SIN3B: variants seen among roughly 807,000 people sequenced by gnomAD.
SIN3B encodes SIN3 transcription regulator family member B.
A neutral mutation model predicts 120.2 loss-of-function variants in SIN3B; 19 were observed. The observed-to-expected ratio is 0.16, with a 90% CI of 0.11 to 0.23. SIN3B has a LOEUF of 0.23. Among genes scored for constraint, SIN3B ranks in the 10% least tolerant of loss-of-function variants. The pLI is 1.00. For synonymous variants in SIN3B, 654 were observed against 653.2 expected, an observed-to-expected ratio of 1.00 and a Z score of -0.02; for missense variants, 1,073 against 1,573.0, an observed-to-expected ratio of 0.68 and a Z score of 5.38.
At position 16,869,462 on chromosome 19, in the gene SIN3B, C is replaced by A; in HGVS notation, c.1809C>A (p.His603Gln). 1 of 1,603,854 alleles carries A rather than the reference C, an allele frequency of 6.2e-7. No individual in the cohort carries two copies. Among genetic ancestry groups the A allele is most frequent in the African/African-American group, 1.3e-5 (1 of 74,882 alleles). Residue 603 changes from histidine to glutamine, a missense_variant and splice_region_variant, in exon 13 of 19, where the codon CAC (histidine) becomes CAA (glutamine). Transcript: ENST00000248054. ...AATGGCCGCCCTTCCCCCCACAGCA[C>A]CAGGAGCAGCACTCGGAGGGCCGCA... ...LNEIESVYDEHQEQHSEGRSA... is the reference protein window; with the variant it reads ...LNEIESVYDEQQEQHSEGRSA...
chr19:16,868,400 G>T (rs772060792), intron 12 of SIN3B, among the ~76,000 whole-genome samples: 1 of 152,206 alleles, frequency 6.6e-6, no homozygotes, highest in Non-Finnish European at 1.5e-5. Context: ...TTCCCCAAGA[G>T]CCCTGCTGCG....
chr19:16,863,447 T>G, intron 9 of SIN3B: 1 of 558,812 alleles, frequency 1.8e-6, no homozygotes, highest in Non-Finnish European at 3.2e-6. Flanking sequence ...ATCTGTGGAT[T>G]TGGGTCTTCA....
chr19:16,854,349 A>G (rs1971584894), intron 8 of SIN3B, 88 bp downstream of exon 8: 7 of 759,404 alleles, frequency 9.2e-6, no homozygotes, highest in Non-Finnish European at 1.5e-5. Flanking sequence ...TTTTTGAGCA[A>G]TGATTGTGCT....
At chr19:16,856,712 C>G (rs2144601993) in intron 8 of SIN3B, among the ~76,000 whole-genome samples, 1 of 152,180 alleles carries the variant, frequency 6.6e-6, no homozygotes, top group South Asian at 2.1e-4. Flanking sequence ...GCTGGGATTA[C>G]AGATGTGTGC....
chr19:16,841,515 A>C (rs956565193), intron 3 of SIN3B, among the ~76,000 whole-genome samples: 1 of 152,188 alleles, frequency 6.6e-6, no homozygotes, highest in Admixed American at 6.5e-5. Context: ...TCCAAATGCA[A>C]GGTGCTCGTT....
chr19:16,852,713 G>C (rs1450741753), intron 6 of SIN3B, among the ~76,000 whole-genome samples: 1 of 152,196 alleles, frequency 6.6e-6, no homozygotes, highest in African/African-American at 2.4e-5. Context: ...CCCTCTTCCT[G>C]TCCGCTTCTT....
At chr19:16,851,934 G>A (rs889254811) in intron 6 of SIN3B, among the ~76,000 whole-genome samples, 1 of 152,184 alleles carries the variant, frequency 6.6e-6, no homozygotes, top group Non-Finnish European at 1.5e-5. Context: ...CCTTTCACCT[G>A]CAATGGTGGT....
In SIN3B at chr19:16,841,760, C is replaced by T; in HGVS notation, c.382-8C>T. The T allele has an allele frequency of 1.2e-6, 2 of 1,612,972 alleles. No homozygotes were observed. The highest frequency in any genetic ancestry group is 1.1e-5 in the South Asian group (1 of 91,040). ...GGGCCTGGCAGTAACTCATTGTCGC[C>T]TTGTCAGGAGAATTCGCACAACCAC... On this transcript the variant is annotated splice_polypyrimidine_tract_variant and splice_region_variant and intron_variant, in intron 3 of 18. Transcript: ENST00000248054.
chr19:16,867,322 T>G (rs1467762363), intron 12 of SIN3B, among the ~76,000 whole-genome samples: 2 of 152,120 alleles, frequency 1.3e-5, no homozygotes, highest in African/African-American at 2.4e-5. Context: ...GGGCTCTGAG[T>G]CATTGGGTTC....
chr19:16,841,977 TC>T lies in SIN3B; in HGVS notation c.582+10del, dbSNP rs776095500. 3.1e-6 allele frequency: 5 copies of T among 1,608,674 alleles called. No homozygotes were observed. The highest frequency in any genetic ancestry group is 4.3e-6 in the Non-Finnish European group (5 of 1,175,476). Reference sequence around the variant, plus strand: ...TCCTGCACACGTACCAGGTAAGAACTCAGATTACAATTCCTTGTGGGTTTTG... The same window carrying T: ...TCCTGCACACGTACCAGGTAAGAACTAGATTACAATTCCTTGTGGGTTTTG... On this transcript the variant is annotated intron_variant, in intron 4 of 18. Coordinates refer to ENST00000248054, the MANE Select transcript of SIN3B (RefSeq NM_001297595.2).
Position 16,853,062 on chromosome 19 carries a change from C to T in SIN3B, c.850-7C>T. ...CAGTGTTAACTGCATAGAATTTCTC[C>T]CCACAGAAAAAAATGAAACTTCGTG... On this transcript the variant is annotated splice_polypyrimidine_tract_variant and splice_region_variant and intron_variant, in intron 6 of 18. Transcript: ENST00000248054. 6.2e-7 allele frequency: 1 copy of T among 1,613,584 alleles called. No homozygotes were observed. The highest frequency in any genetic ancestry group is 2.2e-5 in the East Asian group (1 of 44,880).
intron 14 of SIN3B, among the ~76,000 whole-genome samples, chr19:16,874,007 C>T (rs2144627832): frequency 6.6e-6 from 1 of 152,330 alleles, no homozygotes; most frequent in African/African-American, 2.4e-5. Context: ...ACATGGAACC[C>T]CCAAGGAGTG....
chr19:16,860,114 G>A (rs1465161483), intron 8 of SIN3B, among the ~76,000 whole-genome samples: 3 of 152,184 alleles, frequency 2.0e-5, no homozygotes, highest in Non-Finnish European at 2.9e-5. Context: ...GGGGAAGGGC[G>A]TTTGGGGAAG....
At chr19:16,830,973 TTC>T (rs1449110813) in intron 2 of SIN3B, among the ~76,000 whole-genome samples, 1 of 152,164 alleles carries the variant, frequency 6.6e-6, no homozygotes, top group Non-Finnish European at 1.5e-5. Flanking sequence ...GATGTCAGTA[TTC>T]TCTGGTTCTC....
chr19:16,875,712 CTGGTCTGGTT>C (rs1341866023), intron 14 of SIN3B, among the ~76,000 whole-genome samples: 1 of 143,692 alleles, frequency 7.0e-6, no homozygotes, highest in Non-Finnish European at 1.5e-5. Flanking sequence ...TCGGTCTGGT[CTGGTCTGGTT>C]TGGTCTGGTC....
chr19:16,865,837 G>A (rs931789615), intron 11 of SIN3B, among the ~76,000 whole-genome samples, 189 bp downstream of exon 11: 6 of 152,122 alleles, frequency 3.9e-5, no homozygotes, highest in Non-Finnish European at 7.4e-5. Flanking sequence ...TCCCACTCCT[G>A]AGAGGAGAGC....
intron 12 of SIN3B, among the ~76,000 whole-genome samples, chr19:16,867,057 C>T (rs1445924676): frequency 6.6e-6 from 1 of 152,192 alleles, no homozygotes; most frequent in Admixed American, 6.5e-5. Flanking sequence ...TCCTGGCCGA[C>T]TCTGCCATTG....
chr19:16,858,954 C>A (rs1038963345), intron 8 of SIN3B, among the ~76,000 whole-genome samples: 11 of 151,314 alleles, frequency 7.3e-5, no homozygotes, highest in Non-Finnish European at 1.6e-4. Context: ...CTCAAAAAAA[C>A]GAAAACAAAA....
intron 13 of SIN3B, 129 bp from the exon 14 acceptor site, chr19:16,871,100 C>T (rs918590933): frequency 4.4e-6 from 5 of 1,144,036 alleles, no homozygotes; most frequent in Non-Finnish European, 5.1e-6. Context: ...CACATTTGCC[C>T]CAGGGGTGGC....
Sources: allele counts gnomAD v4.1 joint callset (sites outside exome capture counted in the v4.1 genomes callset), GRCh38; gene constraint gnomAD v4.1.1; transcripts MANE v1.5; gene names NCBI Gene and HGNC (gene_info 2026-07-23, HGNC 2026-07-21).